Variants in PDS5B observed in about 807,000 individuals in gnomAD.
The protein encoded by PDS5B is sister chromatid cohesion protein PDS5 homolog B.
In PDS5B, 51 loss-of-function variants were observed where a neutral mutation model predicts 184.1. The ratio of observed to expected loss-of-function variants is 0.28; its 90% confidence interval spans 0.22 to 0.35. The LOEUF (loss-of-function observed/expected upper bound fraction) is 0.35. Ranked by LOEUF, PDS5B falls within the 10% of genes least tolerant of loss-of-function variation. The probability of loss-of-function intolerance (pLI) is 1.00; values close to 1 mark genes in which losing one functional copy is unlikely to be tolerated. For synonymous variants in PDS5B, 566 were observed against 569.2 expected (o/e 0.99, Z 0.08); for missense variants, 1,180 against 1,723.3 (o/e 0.68, Z 5.58).
intron 6 of PDS5B, among the ~76,000 whole-genome samples, chr13:32,664,819 C>G (rs529806236): frequency 6.6e-5 from 10 of 151,060 alleles, no homozygotes; most frequent in African/African-American, 1.9e-4. Flanking sequence ...CCACGGCACT[C>G]CAGCCTGGGT....
At chr13:32,774,459 A>G (rs1340466645) in intron 34 of PDS5B, among the ~76,000 whole-genome samples, 2 of 152,234 alleles carry the variant, frequency 1.3e-5, no homozygotes, top group African/African-American at 4.8e-5. Context: ...TCAGAGAAAA[A>G]CTACATGTAA....
At chr13:32,649,361 A>T (rs1950309694) in intron 2 of PDS5B, 1 of 154,414 alleles carries the variant, frequency 6.5e-6, no homozygotes. Flanking sequence ...ACTTCTATGG[A>T]TGAGGCTAGG....
chr13:32,632,579 AAC>A (rs1433514659), intron 1 of PDS5B, among the ~76,000 whole-genome samples: 1 of 152,214 alleles, frequency 6.6e-6, no homozygotes, highest in Non-Finnish European at 1.5e-5. Flanking sequence ...TGCTGTGAGA[AAC>A]AGTTTGGTGG....
At chr13:32,649,678 A>G (rs1234902452) in intron 2 of PDS5B, 1 of 152,168 alleles carries the variant, frequency 6.6e-6, no homozygotes, top group Non-Finnish European at 1.5e-5. Flanking sequence ...TGGTGTATAG[A>G]ATTTTTATAA....
intron 1 of PDS5B, among the ~76,000 whole-genome samples, chr13:32,610,319 T>C (rs570527830): frequency 1.3e-5 from 2 of 152,326 alleles, no homozygotes; most frequent in East Asian, 3.9e-4. Context: ...CTGTTAGCGA[T>C]TGAGTTCTAA....
chr13:32,615,898 T>G (rs1451918566), intron 1 of PDS5B, among the ~76,000 whole-genome samples: 1 of 152,170 alleles, frequency 6.6e-6, no homozygotes, highest in East Asian at 1.9e-4. Context: ...CAATCCAGAG[T>G]AGACTTTTGT....
At chr13:32,760,378 C>G (rs554796403) in intron 29 of PDS5B, among the ~76,000 whole-genome samples, 197 bp from the exon 30 acceptor site, 70 of 152,174 alleles carry the variant, frequency 4.6e-4, no homozygotes, top group Non-Finnish European at 8.8e-4. Flanking sequence ...CTAAGAAATT[C>G]AACTGTTATG....
chr13:32,681,882 A>C (rs1951257688), intron 10 of PDS5B, among the ~76,000 whole-genome samples: 1 of 152,202 alleles, frequency 6.6e-6, no homozygotes, highest in African/African-American at 2.4e-5. Context: ...TGAATAGATA[A>C]AACAATCCAC....
chr13:32,718,518 A>T (rs896978685), intron 19 of PDS5B, among the ~76,000 whole-genome samples: 2 of 152,188 alleles, frequency 1.3e-5, no homozygotes, highest in African/African-American at 4.8e-5. Context: ...CATAATTAAT[A>T]TCTCTCAAAC....
At chr13:32,632,727 A>G (rs1481448948) in intron 1 of PDS5B, among the ~76,000 whole-genome samples, 4 of 152,252 alleles carry the variant, frequency 2.6e-5, no homozygotes, top group African/African-American at 9.6e-5. Flanking sequence ...CACAGTAGCC[A>G]AGAATGGAAA....
chr13:32,693,916 T>C (rs911388832), intron 13 of PDS5B, among the ~76,000 whole-genome samples: 1 of 151,748 alleles, frequency 6.6e-6, no homozygotes, highest in African/African-American at 2.4e-5. Flanking sequence ...TTTTATGTTT[T>C]TGATTCCATT....
chr13:32,710,455 G>C (rs1952169056), intron 19 of PDS5B, among the ~76,000 whole-genome samples: 1 of 152,118 alleles, frequency 6.6e-6, no homozygotes, highest in Non-Finnish European at 1.5e-5. Context: ...TTTCCTCTGT[G>C]ATTTAGGGCT....
At chr13:32,689,035 T>C (rs920611594) in intron 13 of PDS5B, 3 of 159,008 alleles carry the variant, frequency 1.9e-5, no homozygotes, top group Admixed American at 1.2e-4. Flanking sequence ...AGCACAAATA[T>C]ATTTTTATTA....
At chr13:32,621,593 G>T (rs955344837) in intron 1 of PDS5B, among the ~76,000 whole-genome samples, 1 of 152,180 alleles carries the variant, frequency 6.6e-6, no homozygotes, top group Admixed American at 6.5e-5. Context: ...TTTTTGGGAA[G>T]ATTTTAACTT....
chr13:32,703,410 A>G (rs1345614915), intron 17 of PDS5B, among the ~76,000 whole-genome samples: 2 of 152,238 alleles, frequency 1.3e-5, no homozygotes, highest in African/African-American at 4.8e-5. Flanking sequence ...TCAGAAGGTC[A>G]TAGTGATCTA....
At chr13:32,594,912 T>A (rs1373240834) in intron 1 of PDS5B, among the ~76,000 whole-genome samples, 4 of 152,190 alleles carry the variant, frequency 2.6e-5, no homozygotes. Flanking sequence ...ATTCTGTGGG[T>A]CTTGGTTTCA....
At chr13:32,670,020 A>T (rs1412270192) in intron 7 of PDS5B, among the ~76,000 whole-genome samples, 34 of 152,144 alleles carry the variant, frequency 2.2e-4, no homozygotes, top group Admixed American at 2.2e-3. Flanking sequence ...GCTATTATTT[A>T]CTCATCCTCC....
At chr13:32,602,363 T>A (rs1338626961) in intron 1 of PDS5B, among the ~76,000 whole-genome samples, 1 of 152,244 alleles carries the variant, frequency 6.6e-6, no homozygotes, top group Non-Finnish European at 1.5e-5. Flanking sequence ...TTTTCTGGCC[T>A]TGCAATAGTT....
chr13:32,752,969 A>G (rs943856194), intron 24 of PDS5B, among the ~76,000 whole-genome samples: 1 of 152,202 alleles, frequency 6.6e-6, no homozygotes, highest in African/African-American at 2.4e-5. Flanking sequence ...CAGAACTAAA[A>G]TGTATAAATT....
Sources: allele counts gnomAD v4.1 joint callset (sites outside exome capture counted in the v4.1 genomes callset), GRCh38; gene constraint gnomAD v4.1.1; transcripts MANE v1.5; gene names NCBI Gene and HGNC (gene_info 2026-07-23, HGNC 2026-07-21).